PCDHGA12: variants seen among roughly 807,000 people sequenced by gnomAD.
PCDHGA12 encodes the protein protocadherin gamma subfamily A, 12.
Under a neutral mutation model 61.1 loss-of-function variants are expected in PCDHGA12, and 43 were observed. The observed-to-expected ratio is 0.70, with a 90% CI of 0.55 to 0.91. The LOEUF (loss-of-function observed/expected upper bound fraction) is 0.91. PCDHGA12 is among the 40% of genes least tolerant of loss of function. PCDHGA12 has a pLI of 0.00. For synonymous variants in PCDHGA12, 520 were observed against 542.9 expected (o/e 0.96, Z 0.59); for missense variants, 1,236 against 1,227.7 (o/e 1.01, Z -0.10).
At chr5:141,451,653 G>A (rs1440576814) in intron 1 of PCDHGA12, among the ~76,000 whole-genome samples, 2 of 152,166 alleles carry the variant, frequency 1.3e-5, no homozygotes, top group Non-Finnish European at 2.9e-5. Context: ...AGGCCAAGGA[G>A]GGTGGACTGC....
Position 141,489,732 on chromosome 5 carries a change from C to T in PCDHGA12, c.2425-5075C>T, listed in dbSNP as rs1562132763. On this transcript the variant is annotated intron_variant, in intron 1 of 3. Coordinates refer to ENST00000252085, the MANE Select transcript of PCDHGA12 (RefSeq NM_003735.3). This position sits in a 1 kb window ranked among gnomAD's most constrained non-coding sequence, Gnocchi z 4.5. ...GTGCCCAGGATCCGGATGTGGGCAC[C>T]AATACTGTGAGCTTTTACACTCTAA... 3.1e-6 allele frequency: 5 copies of T among 1,614,126 alleles called. No individual in the cohort carries two copies. The highest frequency in any genetic ancestry group is 1.1e-5 in the South Asian group (1 of 91,074).
rs140933475 is a variant in PCDHGA12 at position 141,477,405 on chromosome 5, G to A, written c.2425-17402G>A. The A allele has an allele frequency of 3.8e-4, 608 of 1,614,076 alleles. No individual in the cohort carries two copies. The highest frequency in any genetic ancestry group is 4.6e-4 in the Non-Finnish European group (540 of 1,180,022). On this transcript the variant is annotated intron_variant, in intron 1 of 3. Transcript: ENST00000252085. This position sits in a 1 kb window ranked among gnomAD's most constrained non-coding sequence, Gnocchi z 4.9. ...GAATACAACCTCAGCATCACCGCCC[G>A]AGACGCCGGAACCCCTTCCCTCTCA...
Position 141,504,006 on chromosome 5 carries a change from G to C in PCDHGA12, c.2484-1387G>C, listed in dbSNP as rs138738950. Among the ~76,000 whole-genome samples, 1,431 of 152,182 alleles carry C rather than the reference G, an allele frequency of 9.4e-3. 31 individuals are homozygous for C. The highest frequency in any genetic ancestry group is 0.033 in the African/African-American group (1,367 of 41,490). On this transcript the variant is annotated intron_variant, in intron 2 of 3. Coordinates refer to ENST00000252085, the MANE Select transcript of PCDHGA12 (RefSeq NM_003735.3). The stretch of plus-strand genomic sequence containing the variant: ...CTTCTTACCTTACAGTCACTTAACT[G>C]TCTCTGCTGGTCTCTTCCCACTCAT...
chr5:141,485,827 G>A lies in PCDHGA12; in HGVS notation c.2425-8980G>A. 1 of 1,614,154 alleles carries A rather than the reference G, an allele frequency of 6.2e-7. No individual in the cohort carries two copies. The highest frequency in any genetic ancestry group is 1.1e-5 in the South Asian group (1 of 91,080). On this transcript the variant is annotated intron_variant, in intron 1 of 3. Coordinates refer to ENST00000252085, the MANE Select transcript of PCDHGA12 (RefSeq NM_003735.3). The surrounding 1 kb of genome is among the most constrained non-coding windows in gnomAD (Gnocchi z 5.7). Reference sequence around the variant, plus strand: ...TGGTGCTGACTGCTGTCGATGGAGGGAACCCGCCGAGATCTGGCACCGCAG... The same window carrying A: ...TGGTGCTGACTGCTGTCGATGGAGGAAACCCGCCGAGATCTGGCACCGCAG...
intron 3 of PCDHGA12, among the ~76,000 whole-genome samples, chr5:141,507,673 G>A (rs184362608): frequency 6.6e-5 from 10 of 152,368 alleles, no homozygotes; most frequent in Admixed American, 2.6e-4. Context: ...AAATCCAGAT[G>A]TTAAAAACAG....
chr5:141,465,505 G>C (rs905617997), intron 1 of PCDHGA12, among the ~76,000 whole-genome samples: 1 of 152,190 alleles, frequency 6.6e-6, no homozygotes, highest in Non-Finnish European at 1.5e-5. Context: ...CATTGTCGTG[G>C]TCAGGAAGGA....
At position 141,432,880 on chromosome 5, in the gene PCDHGA12, C is replaced by A. The variant is rs865848752; in HGVS notation, c.2121C>A (p.Phe707Leu). 3 of 1,614,194 alleles carry A rather than the reference C, an allele frequency of 1.9e-6. No homozygotes were observed. The highest frequency in any genetic ancestry group is 2.5e-6 in the Non-Finnish European group (3 of 1,180,008). ...VAAVSCVFLA[F>L]VILLLALRLR... ...CGGTCTCCTGCGTCTTCCTGGCCTT[C>A]GTCATCTTGCTGCTGGCGCTCAGGC... Residue 707 changes from phenylalanine to leucine, a missense_variant, in exon 1 of 4, where the codon TTC (phenylalanine) becomes TTA (leucine). By Grantham distance (22) the Phe-to-Leu change is conservative (BLOSUM62 0). Coordinates refer to ENST00000252085, the MANE Select transcript of PCDHGA12 (RefSeq NM_003735.3). The surrounding 1 kb of genome is among the most constrained non-coding windows in gnomAD (Gnocchi z 6.0).
intron 1 of PCDHGA12, among the ~76,000 whole-genome samples, chr5:141,471,039 A>G (rs1175460270): frequency 7.2e-6 from 1 of 137,964 alleles, no homozygotes; most frequent in Non-Finnish European, 1.5e-5. Context: ...TAACAAGCCC[A>G]AGCCCTCTTT....
At chr5:141,458,774 A>G (rs2154566349) in intron 1 of PCDHGA12, among the ~76,000 whole-genome samples, 1 of 151,812 alleles carries the variant, frequency 6.6e-6, no homozygotes, top group Admixed American at 6.6e-5. Flanking sequence ...GCTGTGTCAC[A>G]CAGGCTGGAG....
At position 141,433,110 on chromosome 5, in the gene PCDHGA12, G is replaced by A. The variant is rs1031253372; in HGVS notation, c.2351G>A (p.Ser784Asn). Residue 784 changes from serine (S) to asparagine (N), a missense_variant, in exon 1 of 4, where the codon AGC becomes AAC. Coordinates refer to ENST00000252085, the MANE Select transcript of PCDHGA12 (RefSeq NM_003735.3). Reference protein sequence around the residue: ...NYADMLVSQESFEKSEPLLLS... With the variant: ...NYADMLVSQENFEKSEPLLLS... Reference sequence around the variant, plus strand: ...GCAGACATGCTCGTCAGCCAGGAGAGCTTTGAAAAAAGCGAGCCCCTTTTG... The same window carrying A: ...GCAGACATGCTCGTCAGCCAGGAGAACTTTGAAAAAAGCGAGCCCCTTTTG... 3.1e-6 allele frequency: 5 copies of A among 1,613,982 alleles called. No homozygotes were observed. The African/African-American group carries it at 5.3e-5, about 17-fold the overall frequency.
At chr5:141,505,127 A>C (rs926566427) in intron 2 of PCDHGA12, among the ~76,000 whole-genome samples, 1 of 152,158 alleles carries the variant, frequency 6.6e-6, no homozygotes, top group Non-Finnish European at 1.5e-5. Context: ...GCGCCACTGC[A>C]CTCCAGCCTG....
chr5:141,433,935 T>C (rs2097665519), intron 1 of PCDHGA12, among the ~76,000 whole-genome samples: 1 of 152,150 alleles, frequency 6.6e-6, no homozygotes, highest in African/African-American at 2.4e-5. Context: ...GATTTTATAA[T>C]TCCATTGTTT....
At position 141,491,299 on chromosome 5, in the gene PCDHGA12, C is replaced by T. The variant is rs777271881; in HGVS notation, c.2425-3508C>T. ...TGACTTCCTCATACACCCTCCTGAG[C>T]GTTCAGACCTTACCCTTTACCTCAT... On this transcript the variant is annotated intron_variant, in intron 1 of 3. Transcript: ENST00000252085. This position sits in a 1 kb window ranked among gnomAD's most constrained non-coding sequence, Gnocchi z 6.9. 3.7e-6 allele frequency: 6 copies of T among 1,614,068 alleles called. No individual in the cohort carries two copies. Among genetic ancestry groups the T allele is most frequent in the Non-Finnish European group, 5.1e-6 (6 of 1,179,896 alleles).
chr5:141,437,512 G>A (rs1201910374), intron 1 of PCDHGA12, among the ~76,000 whole-genome samples: 2 of 152,144 alleles, frequency 1.3e-5, no homozygotes, highest in African/African-American at 2.4e-5. Flanking sequence ...TGAATTATAA[G>A]GCTGATGACA....
rs765249445 is a variant in PCDHGA12, at chr5:141,489,754, C to T, written c.2425-5053C>T. ...CACCAATACTGTGAGCTTTTACACT[C>T]TAAGCCCCAACAGCCACTTCTCTCT... is the stretch of plus-strand genomic sequence containing the variant. On this transcript the variant is annotated intron_variant, in intron 1 of 3. Coordinates refer to ENST00000252085, the MANE Select transcript of PCDHGA12 (RefSeq NM_003735.3). The surrounding 1 kb of genome is among the most constrained non-coding windows in gnomAD (Gnocchi z 4.5). The T allele has an allele frequency of 4.0e-5, 64 of 1,613,992 alleles. No individual in the cohort carries two copies. The South Asian group carries it at 6.8e-4, about 17-fold the overall frequency.
Position 141,476,996 on chromosome 5 carries a change from C to T in PCDHGA12, c.2425-17811C>T. The T allele has an allele frequency of 6.2e-7, 1 of 1,614,250 alleles. No homozygotes were observed. Among genetic ancestry groups the T allele is most frequent in the Non-Finnish European group, 8.5e-7 (1 of 1,180,052 alleles). On this transcript the variant is annotated intron_variant, in intron 1 of 3. Coordinates refer to ENST00000252085, the MANE Select transcript of PCDHGA12 (RefSeq NM_003735.3). The surrounding 1 kb of genome is among the most constrained non-coding windows in gnomAD (Gnocchi z 7.6). ...CCACAACCGCGCCGGCGTGCGGCAA[C>T]TATTCGCCTTAGACCTTGTAACCGG...
In PCDHGA12 at chr5:141,489,663, C is replaced by T. The variant is rs1183544696; in HGVS notation, c.2425-5144C>T. The T allele has an allele frequency of 1.9e-6, 3 of 1,614,048 alleles. No individual in the cohort carries two copies. The highest frequency in any genetic ancestry group is 2.2e-5 in the South Asian group (2 of 91,094). ...TTGCCACCCCTGAGCGAGAGATGCGCATCTCAGAATCAGCAGCATCTGGGG... is the reference window on the plus strand; with the variant it reads ...TTGCCACCCCTGAGCGAGAGATGCGTATCTCAGAATCAGCAGCATCTGGGG... On this transcript the variant is annotated intron_variant, in intron 1 of 3. Coordinates refer to ENST00000252085, the MANE Select transcript of PCDHGA12 (RefSeq NM_003735.3). This position sits in a 1 kb window ranked among gnomAD's most constrained non-coding sequence, Gnocchi z 4.5.
At position 141,485,221 on chromosome 5, in the gene PCDHGA12, C is replaced by A; in HGVS notation, c.2425-9586C>A. 4 of 1,614,118 alleles carry A rather than the reference C, an allele frequency of 2.5e-6. No individual in the cohort carries two copies. The highest frequency in any genetic ancestry group is 2.2e-5 in the East Asian group (1 of 44,868). ...GGACAGAAATCTGGCGGTGGGCTAC[C>A]CTTTTGTTCCTCTTTTACCACCTGG... On this transcript the variant is annotated intron_variant, in intron 1 of 3. Coordinates refer to ENST00000252085, the MANE Select transcript of PCDHGA12 (RefSeq NM_003735.3). The surrounding 1 kb of genome is among the most constrained non-coding windows in gnomAD (Gnocchi z 5.7).
intron 1 of PCDHGA12, among the ~76,000 whole-genome samples, chr5:141,453,288 ATTAT>A (rs577328880): frequency 4.0e-5 from 6 of 151,342 alleles, no homozygotes; most frequent in Admixed American, 1.3e-4. Context: ...TAATTTTTTA[ATTAT>A]TTATTTATTT....
Sources: allele counts gnomAD v4.1 joint callset (sites outside exome capture counted in the v4.1 genomes callset), GRCh38; gene constraint gnomAD v4.1.1; non-coding constraint Gnocchi (gnomAD v3.1); transcripts MANE v1.5; gene names NCBI Gene and HGNC (gene_info 2026-07-23, HGNC 2026-07-21).